CALCR: variants seen among roughly 807,000 people sequenced by gnomAD.
The protein encoded by CALCR is calcitonin receptor.
Under a neutral mutation model 59.5 loss-of-function variants are expected in CALCR, and 47 were observed. That is an observed-to-expected ratio of 0.79 (90% CI 0.63 to 1.01). The LOEUF (loss-of-function observed/expected upper bound fraction) is 1.01. Ranked by LOEUF, CALCR falls within the 50% of genes least tolerant of loss-of-function variation. The pLI, the probability that CALCR is intolerant of heterozygous loss-of-function variation, is 0.00. For synonymous variants in CALCR, 213 were observed against 211.3 expected (o/e 1.01, Z -0.07); for missense variants, 566 against 597.1 (o/e 0.95, Z 0.54).
At chr7:93,562,697 T>C (rs1302929593) in intron 2 of CALCR, among the ~76,000 whole-genome samples, 1 of 152,196 alleles carries the variant, frequency 6.6e-6, no homozygotes, top group Admixed American at 6.5e-5. Flanking sequence ...AGCTGGAAGA[T>C]TCTGGACAGT....
rs1451197708 is a variant in CALCR at position 93,477,599 on chromosome 7, T to A, written c.275A>T (p.Tyr92Phe). The A allele has an allele frequency of 6.2e-7, 1 of 1,611,448 alleles. No individual in the cohort carries two copies. Among genetic ancestry groups the A allele is most frequent in the Middle Eastern group, 1.7e-4 (1 of 6,050 alleles). The change falls in exon 5 of 14, where the codon TAT (tyrosine) becomes TTT (phenylalanine). Residue 92 changes from tyrosine (Y) to phenylalanine (F), a missense_variant. Transcript: ENST00000426151. The stretch of plus-strand genomic sequence containing the variant: ...CGGAAAATAATCTGGGCAGAACTGA[T>A]AGGACAATACTCCAGCCGGTGTGTC... ...WDDTPAGVLSYQFCPDYFPDF... is the reference protein window; with the variant it reads ...WDDTPAGVLSFQFCPDYFPDF...
At chr7:93,473,085 C>A (rs1171283107) in intron 5 of CALCR, among the ~76,000 whole-genome samples, 1 of 151,748 alleles carries the variant, frequency 6.6e-6, no homozygotes, top group Non-Finnish European at 1.5e-5. Context: ...TTTGAATCAT[C>A]TCTCTTCATC....
chr7:93,450,986 A>G (rs1301946395), intron 8 of CALCR, among the ~76,000 whole-genome samples: 1 of 151,866 alleles, frequency 6.6e-6, no homozygotes, highest in Admixed American at 6.6e-5. Flanking sequence ...ACATTTCAGG[A>G]GTAATCTTTT....
At chr7:93,473,847 A>G (rs1800609063) in intron 5 of CALCR, among the ~76,000 whole-genome samples, 1 of 151,546 alleles carries the variant, frequency 6.6e-6, no homozygotes, top group African/African-American at 2.4e-5. Flanking sequence ...TTTTTGTGTG[A>G]TATATTCAGT....
At chr7:93,560,542 A>G (rs1007875115) in intron 2 of CALCR, among the ~76,000 whole-genome samples, 1 of 152,096 alleles carries the variant, frequency 6.6e-6, no homozygotes, top group Admixed American at 6.6e-5. Flanking sequence ...AGATCATCTG[A>G]AAATCTTTAC....
intron 2 of CALCR, among the ~76,000 whole-genome samples, chr7:93,542,753 T>G (rs1202834601): frequency 6.6e-6 from 1 of 152,132 alleles, no homozygotes; most frequent in Non-Finnish European, 1.5e-5. Flanking sequence ...TTAAACTTTT[T>G]TGTTAAAAAC....
At chr7:93,446,405 C>G (rs145100876) in intron 8 of CALCR, among the ~76,000 whole-genome samples, 30 of 152,076 alleles carry the variant, frequency 2.0e-4, no homozygotes, top group Non-Finnish European at 3.8e-4. Context: ...AAGAAATATA[C>G]AGAACCACAC....
chr7:93,472,409 G>C lies in CALCR; in HGVS notation c.395C>G (p.Thr132Ser), dbSNP rs1229168626. The C allele has an allele frequency of 1.2e-6, 2 of 1,609,328 alleles. No homozygotes were observed. The highest frequency in any genetic ancestry group is 2.2e-5 in the South Asian group (2 of 90,850). The change falls in exon 6 of 14, where the codon ACT (threonine) becomes AGT (serine). Residue 132 changes from threonine to serine, a missense_variant. Coordinates refer to ENST00000426151, the MANE Select transcript of CALCR (RefSeq NM_001742.4). ...PENNRTWSNYTMCNAFTPEKL... is the reference protein window; with the variant it reads ...PENNRTWSNYSMCNAFTPEKL... ...CTCAGGAGTGAAAGCATTGCACATA[G>C]TATAGTTGGACCAGGTTCGATTGTT...
rs117183753 is a variant in CALCR at position 93,431,354 on chromosome 7, G to A, written c.1191+2899C>T. On this transcript the variant is annotated intron_variant, in intron 13 of 13. Coordinates refer to ENST00000426151, the MANE Select transcript of CALCR (RefSeq NM_001742.4). Reference sequence around the variant, plus strand: ...TGCCCCTGGCACCATGTCCAACAGCGGAGCAGCAACGGCTATGGCATGTGC... The same window carrying A: ...TGCCCCTGGCACCATGTCCAACAGCAGAGCAGCAACGGCTATGGCATGTGC... Among the ~76,000 whole-genome samples, 80 of 152,298 alleles carry A rather than the reference G, an allele frequency of 5.3e-4. No individual in the cohort carries two copies. The East Asian group carries it at 0.015, about 28-fold the overall frequency.
chr7:93,538,266 C>T (rs775725453), intron 2 of CALCR, among the ~76,000 whole-genome samples: 2 of 151,940 alleles, frequency 1.3e-5, no homozygotes, highest in Non-Finnish European at 2.9e-5. Context: ...GATAACATAT[C>T]TTTTCGTGTG....
chr7:93,455,709 TCATA>T (rs1400523582), intron 8 of CALCR, among the ~76,000 whole-genome samples: 1 of 152,078 alleles, frequency 6.6e-6, no homozygotes, highest in African/African-American at 2.4e-5. Flanking sequence ...TTTATCCCCT[TCATA>T]ATGAAATGTA....
intron 9 of CALCR, among the ~76,000 whole-genome samples, chr7:93,439,270 T>C (rs1047821316): frequency 5.3e-5 from 8 of 152,212 alleles, no homozygotes; most frequent in African/African-American, 1.4e-4. Context: ...ATATTTTCAA[T>C]AGGACCACAG....
chr7:93,548,872 G>GTGTC (rs1789372411), intron 2 of CALCR, among the ~76,000 whole-genome samples: 1 of 78,890 alleles, frequency 1.3e-5, no homozygotes, highest in South Asian at 5.5e-4. Flanking sequence ...GTGTGTGTGT[G>GTGTC]TGTGTGTCTG....
At chr7:93,455,690 T>C (rs1273378634) in intron 8 of CALCR, among the ~76,000 whole-genome samples, 2 of 152,080 alleles carry the variant, frequency 1.3e-5, no homozygotes, top group East Asian at 1.9e-4. Flanking sequence ...AAATCTTTCC[T>C]AGTTCTTGTT....
At chr7:93,466,838 T>A (rs1045001292) in intron 7 of CALCR, among the ~76,000 whole-genome samples, 4 of 151,744 alleles carry the variant, frequency 2.6e-5, no homozygotes, top group African/African-American at 9.7e-5. Flanking sequence ...TGCCACACTT[T>A]AACACACCCA....
intron 7 of CALCR, chr7:93,462,059 T>C: frequency 6.7e-7 from 1 of 1,481,608 alleles, no homozygotes. Flanking sequence ...CTGGGTTTAC[T>C]TACAATGCCT....
chr7:93,472,639 A>T, intron 5 of CALCR, 152 bp from the exon 6 acceptor site: 1 of 599,472 alleles, frequency 1.7e-6, no homozygotes, highest in East Asian at 2.8e-5. Context: ...CAAATCATGT[A>T]TTATACAAAG....
intron 2 of CALCR, among the ~76,000 whole-genome samples, chr7:93,547,455 C>G (rs983098057): frequency 6.6e-6 from 1 of 152,100 alleles, no homozygotes; most frequent in Admixed American, 6.6e-5. Flanking sequence ...AAATTAGAAG[C>G]ATACTATTTA....
chr7:93,562,411 GAACAACAACAAC>G (rs144086474), intron 2 of CALCR, among the ~76,000 whole-genome samples: 13,642 of 151,140 alleles, frequency 0.09, 696 homozygotes, highest in African/African-American at 0.11. Flanking sequence ...TTATAAAAAG[GAACAACAACAAC>G]AACAACAACA....
Sources: gnomAD v4.1 joint callset for allele counts (sites outside exome capture counted in the v4.1 genomes callset) on GRCh38, gnomAD v4.1.1 for gene constraint, MANE v1.5 for transcripts, NCBI Gene and HGNC (gene_info 2026-07-23, HGNC 2026-07-21) for gene names.